GPR183: variants seen among roughly 807,000 people sequenced by gnomAD.
The protein encoded by GPR183 is G protein-coupled receptor 183.
In GPR183, 9 loss-of-function variants were observed where a neutral mutation model predicts 19.7. The observed-to-expected ratio is 0.46, with a 90% CI of 0.28 to 0.80. The LOEUF (loss-of-function observed/expected upper bound fraction) is 0.80, where lower values mean the gene tolerates loss of function less well. GPR183 is among the 30% of genes least tolerant of loss of function. GPR183 has a pLI of 0.13. For missense variants in GPR183, 368 were observed against 446.7 expected, an observed-to-expected ratio of 0.82 and a Z score of 1.59; for synonymous variants, 160 against 155.1, an observed-to-expected ratio of 1.03 and a Z score of -0.24.
chr13:99,304,772 G>A (rs924765323), intron 1 of GPR183, among the ~76,000 whole-genome samples: 1 of 152,168 alleles, frequency 6.6e-6, no homozygotes, highest in African/African-American at 2.4e-5. Context: ...AGACCTAGCT[G>A]TTAAATGTTA....
intron 1 of GPR183, among the ~76,000 whole-genome samples, chr13:99,299,773 C>T (rs1357454707): frequency 6.6e-6 from 1 of 152,108 alleles, no homozygotes; most frequent in African/African-American, 2.4e-5. Flanking sequence ...ATGTAGAAAC[C>T]TCACAGCAGC....
At chr13:99,301,950 G>A (rs2044263365) in intron 1 of GPR183, among the ~76,000 whole-genome samples, 1 of 152,122 alleles carries the variant, frequency 6.6e-6, no homozygotes, top group Non-Finnish European at 1.5e-5. Flanking sequence ...ATGAAAAGGG[G>A]CTTACCTAGG....
intron 1 of GPR183, among the ~76,000 whole-genome samples, chr13:99,304,703 C>CTT (rs1230497682): frequency 6.6e-6 from 1 of 152,284 alleles, no homozygotes; most frequent in African/African-American, 2.4e-5. Flanking sequence ...CCTCTCAGAA[C>CTT]TTTCACAAGT....
intron 1 of GPR183, among the ~76,000 whole-genome samples, chr13:99,301,912 T>C (rs2044262797): frequency 6.6e-6 from 1 of 152,226 alleles, no homozygotes; most frequent in Non-Finnish European, 1.5e-5. Context: ...CTAATATTTA[T>C]TTATTTTAAT....
intron 1 of GPR183, among the ~76,000 whole-genome samples, chr13:99,305,386 G>C (rs1011691507): frequency 1.3e-5 from 2 of 152,150 alleles, no homozygotes; most frequent in African/African-American, 4.8e-5. Flanking sequence ...CACAGGCCAC[G>C]TCCAGGGCTG....
At chr13:99,298,592 GTT>G (rs2044211453) in intron 1 of GPR183, among the ~76,000 whole-genome samples, 1 of 152,116 alleles carries the variant, frequency 6.6e-6, no homozygotes, top group African/African-American at 2.4e-5. Context: ...GAAAAGAACT[GTT>G]TGTCCAAAGC....
At chr13:99,299,019 C>T (rs1480457981) in intron 1 of GPR183, among the ~76,000 whole-genome samples, 1 of 151,702 alleles carries the variant, frequency 6.6e-6, no homozygotes, top group African/African-American at 2.4e-5. Flanking sequence ...AAATACATGG[C>T]AGGAAAAAAA....
At chr13:99,304,951 G>C (rs996509223) in intron 1 of GPR183, among the ~76,000 whole-genome samples, 1 of 152,212 alleles carries the variant, frequency 6.6e-6, no homozygotes, top group African/African-American at 2.4e-5. Context: ...GAGAGACTAG[G>C]AGAACTGGGG....
rs751417236 is a variant in GPR183, at chr13:99,295,054, T to A, written c.*6A>T. ...TACGTCACTATAAACCAAAATACAA[T>A]CCATTTCACTTTCCATTTGAAGACT... On this transcript the variant is annotated 3_prime_UTR_variant, in exon 2 of 2. Coordinates refer to ENST00000376414, the MANE Select transcript of GPR183 (RefSeq NM_004951.5). This position sits in a 1 kb window ranked among gnomAD's most constrained non-coding sequence, Gnocchi z 4.1. The A allele has an allele frequency of 5.0e-6, 8 of 1,611,138 alleles. No homozygotes were observed. The highest frequency in any genetic ancestry group is 6.8e-6 in the Non-Finnish European group (8 of 1,178,514).
intron 1 of GPR183, among the ~76,000 whole-genome samples, chr13:99,301,457 C>T (rs2044255467): frequency 6.6e-6 from 1 of 152,218 alleles, no homozygotes; most frequent in South Asian, 2.1e-4. Context: ...CAGTAAGTTT[C>T]TTCCTCAGCA....
At position 99,305,484 on chromosome 13, in the gene GPR183, A is replaced by C. The variant is rs74112032; in HGVS notation, c.-19+1856T>G. 3.9e-3 allele frequency among the ~76,000 whole-genome samples: 591 copies of C among 152,334 alleles called. 4 individuals are homozygous for C. The highest frequency in any genetic ancestry group is 0.013 in the African/African-American group (547 of 41,564). On this transcript the variant is annotated intron_variant, in intron 1 of 1. Transcript: ENST00000376414. ...TTAGGTGCGAAGCTCTTTTAAATGT[A>C]AGCTTCTTGAGGATGATGACTTGAT...
At chr13:99,306,405 G>GT (rs1566495142) in intron 1 of GPR183, among the ~76,000 whole-genome samples, 2 of 145,550 alleles carry the variant, frequency 1.4e-5, no homozygotes, top group African/African-American at 5.6e-5. Flanking sequence ...ACTTGTGTGT[G>GT]GGGGGGCCAC....
At chr13:99,297,087 T>G (rs2044186806) in intron 1 of GPR183, among the ~76,000 whole-genome samples, 1 of 152,228 alleles carries the variant, frequency 6.6e-6, no homozygotes, top group South Asian at 2.1e-4. Flanking sequence ...CATAATTTGC[T>G]TAGCTACTCC....
chr13:99,294,997 A>G lies in GPR183; in HGVS notation c.*63T>C. The stretch of plus-strand genomic sequence containing the variant: ...AAGCTGAACAATTATTTTGCTTTAT[A>G]AGGGAAGTCCTGCAAAGTTTGTCAT... On this transcript the variant is annotated 3_prime_UTR_variant, in exon 2 of 2. Transcript: ENST00000376414. The G allele has an allele frequency of 6.6e-7, 1 of 1,515,314 alleles. No individual in the cohort carries two copies. The highest frequency in any genetic ancestry group is 8.9e-7 in the Non-Finnish European group (1 of 1,128,334). The allele number at this position is 1,515,314 out of a possible 1,614,324, so 93.9% of individuals were successfully genotyped here. A position where few individuals can be genotyped will look rare whatever the true frequency, so the allele number is the denominator to read the frequency against.
chr13:99,302,001 G>A (rs1437829091), intron 1 of GPR183, among the ~76,000 whole-genome samples: 1 of 152,184 alleles, frequency 6.6e-6, no homozygotes, highest in African/African-American at 2.4e-5. Context: ...ACTGGAATGG[G>A]TCAAGTTGTG....
chr13:99,306,148 G>A (rs373392982), intron 1 of GPR183, among the ~76,000 whole-genome samples: 1 of 152,098 alleles, frequency 6.6e-6, no homozygotes, highest in East Asian at 1.9e-4. Flanking sequence ...CGCCTGCCTC[G>A]GCCTCCCAAA....
intron 1 of GPR183, among the ~76,000 whole-genome samples, chr13:99,301,841 G>A (rs1486610112): frequency 6.6e-6 from 1 of 152,156 alleles, no homozygotes; most frequent in African/African-American, 2.4e-5. Flanking sequence ...ACCATATTCG[G>A]GGATTTAGTT....
intron 1 of GPR183, among the ~76,000 whole-genome samples, chr13:99,306,701 G>C (rs1010476525): frequency 6.6e-6 from 1 of 152,068 alleles, no homozygotes. Context: ...GAAAAGATAC[G>C]TTTAGTCTAA....
chr13:99,300,197 C>G (rs1018548151), intron 1 of GPR183, among the ~76,000 whole-genome samples: 8 of 152,228 alleles, frequency 5.3e-5, no homozygotes, highest in African/African-American at 1.9e-4. Context: ...TCATTGAGCT[C>G]CAAGGGTAGC....
Sources: allele counts gnomAD v4.1 joint callset (sites outside exome capture counted in the v4.1 genomes callset), GRCh38; gene constraint gnomAD v4.1.1; non-coding constraint Gnocchi (gnomAD v3.1); transcripts MANE v1.5; gene names NCBI Gene and HGNC (gene_info 2026-07-23, HGNC 2026-07-21).